PAH: variants seen among roughly 807,000 people sequenced by gnomAD.
The protein encoded by PAH is phenylalanine hydroxylase.
Under a neutral mutation model 62.0 loss-of-function variants are expected in PAH, and 64 were observed. The observed-to-expected ratio is 1.03, with a 90% CI of 0.84 to 1.27. The LOEUF (loss-of-function observed/expected upper bound fraction) is 1.27, where lower values mean the gene tolerates loss of function less well. Ranked by LOEUF, PAH falls within the 50% of genes most tolerant of loss-of-function variation. The probability of loss-of-function intolerance (pLI) is 0.00; values close to 1 mark genes in which losing one functional copy is unlikely to be tolerated. For synonymous variants in PAH, 195 were observed against 196.2 expected, an observed-to-expected ratio of 0.99 and a Z score of 0.05; for missense variants, 579 against 542.8, an observed-to-expected ratio of 1.07 and a Z score of -0.66.
intron 6 of PAH, chr12:102,853,414 G>A (rs949718554): frequency 2.5e-5 from 6 of 240,794 alleles, no homozygotes; most frequent in South Asian, 5.9e-5. Context: ...ACCTCACACA[G>A]TCTACCCCAT....
chr12:102,915,147 C>T (rs1164608542), intron 1 of PAH: 1 of 152,218 alleles, frequency 6.6e-6, no homozygotes, highest in Non-Finnish European at 1.5e-5. Context: ...CCAAATTTCC[C>T]TTTCCAAGAT....
chr12:102,912,901 AC>A lies in PAH; in HGVS notation c.61-4del. On this transcript the variant is annotated splice_region_variant and splice_polypyrimidine_tract_variant and intron_variant, in intron 1 of 12. Coordinates refer to ENST00000553106, the MANE Select transcript of PAH (RefSeq NM_000277.3). ...TTGTCTTCAATATAGCTTGTTTCCT[AC>A]AGGATAAGATGCATTTGTTTAAAAC... is the stretch of plus-strand genomic sequence containing the variant. 6.3e-7 allele frequency: 1 copy of A among 1,585,316 alleles called. No homozygotes were observed. Among genetic ancestry groups the A allele is most frequent in the African/African-American group, 1.3e-5 (1 of 74,464 alleles).
Position 102,939,303 on chromosome 12 carries a change from T to C in PAH, c.-96+11286A>G, listed in dbSNP as rs373143940. 1.3e-3 allele frequency among the ~76,000 whole-genome samples: 198 copies of C among 152,272 alleles called. 4 individuals are homozygous for C. The South Asian group carries it at 0.035, about 27-fold the overall frequency. On this transcript the variant is annotated intron_variant, in intron 1 of 3. Transcript: ENST00000546844. ...AAAGAGCCTGAGTGCTTTACTCACA[T>C]TTCCAGCACACTACAGAAGACCTAT...
rs1874528355 is a variant in PAH at position 102,840,318 on chromosome 12, A to G, written c.1315+82T>C. On this transcript the variant is annotated intron_variant, in intron 12 of 12. Transcript: ENST00000553106. ...AATTAAATATTTCAATAAATTTATT[A>G]TTTTTCCTATGGCGATGGTAGGGAA... The G allele has an allele frequency of 3.5e-6, 3 of 868,890 alleles. No homozygotes were observed. In the Admixed American group the frequency reaches 5.3e-5, roughly 15 times the overall value. 53.8% of individuals were successfully genotyped at this position (868,890 alleles called of 1,614,324 possible). A position where few individuals can be genotyped will look rare whatever the true frequency, so the allele number is the denominator to read the frequency against.
chr12:102,854,602 C>T, intron 6 of PAH: 1 of 189,486 alleles, frequency 5.3e-6, no homozygotes, highest in Non-Finnish European at 1.1e-5. Context: ...TCATAATTTC[C>T]CTATGGGAAA....
upstream of PAH, among the ~76,000 whole-genome samples, chr12:102,954,765 AAAC>A (rs1879864338): frequency 6.6e-6 from 1 of 152,216 alleles, no homozygotes; most frequent in Non-Finnish European, 1.5e-5. Flanking sequence ...ACACTGGTGA[AAAC>A]AACCAGAAAG....
chr12:102,928,126 T>C (rs1475523439), intron 1 of PAH, among the ~76,000 whole-genome samples: 2 of 152,158 alleles, frequency 1.3e-5, no homozygotes, highest in African/African-American at 4.8e-5. Context: ...TACAGTCCAA[T>C]GAGATACGCT....
At chr12:102,862,347 T>G (rs1446841585) in intron 5 of PAH, among the ~76,000 whole-genome samples, 2 of 152,028 alleles carry the variant, frequency 1.3e-5, no homozygotes. Flanking sequence ...AGCTAAATGG[T>G]GAGAACATAC....
chr12:102,928,917 G>C (rs549458455), intron 1 of PAH, among the ~76,000 whole-genome samples: 1 of 152,254 alleles, frequency 6.6e-6, no homozygotes, highest in South Asian at 2.1e-4. Context: ...CTGAGTTTAT[G>C]TTTCTTTTAG....
At chr12:102,901,724 G>GAA (rs979992730) in intron 2 of PAH, among the ~76,000 whole-genome samples, 1 of 152,114 alleles carries the variant, frequency 6.6e-6, no homozygotes, top group Non-Finnish European at 1.5e-5. Flanking sequence ...AAACTTAAGT[G>GAA]AAGTTATGTC....
Position 102,947,815 on chromosome 12 carries a change from G to A in PAH, c.-96+2774C>T, listed in dbSNP as rs117398835. On this transcript the variant is annotated intron_variant, in intron 1 of 3. Transcript: ENST00000546844. ...GACATGTATTTCAAGAAATTAGCTC[G>A]TGTGGTTATGGAGGCTGAGTCCCAA... 4.6e-3 allele frequency among the ~76,000 whole-genome samples: 707 copies of A among 152,298 alleles called. 5 individuals carry two copies. The highest frequency in any genetic ancestry group is 0.012 in the East Asian group (60 of 5,188).
rs1416580813 is a variant in PAH, at chr12:102,871,933, AAAAAAAAAAAAAAAAAATATAT to A, written c.442-5292_442-5271del. The stretch of plus-strand genomic sequence containing the variant: ...GCAAAACTCTGCCTCAAAAAAAAAA[AAAAAAAAAAAAAAAAAATATAT>A]ATATATATATATATATATATATATA... On this transcript the variant is annotated intron_variant, in intron 4 of 12. Coordinates refer to ENST00000553106, the MANE Select transcript of PAH (RefSeq NM_000277.3). Among the ~76,000 whole-genome samples the A allele has an allele frequency of 8.3e-4, 90 of 108,328 alleles. 2 individuals are homozygous for A. The highest frequency in any genetic ancestry group is 2.0e-3 in the South Asian group (7 of 3,438). The allele number at this position is 108,328 out of a possible 152,430, so 71.1% of individuals were successfully genotyped here. A position where few individuals can be genotyped will look rare whatever the true frequency, so the allele number is the denominator to read the frequency against.
chr12:102,867,561 T>C (rs976097105), intron 4 of PAH, among the ~76,000 whole-genome samples: 2 of 152,146 alleles, frequency 1.3e-5, no homozygotes, highest in Admixed American at 1.3e-4. Flanking sequence ...ATCATTTCCG[T>C]AGAACTCTGC....
At position 102,866,745 on chromosome 12, in the gene PAH, C is replaced by T. The variant is rs903189379; in HGVS notation, c.442-82G>A. 1.1e-5 allele frequency: 13 copies of T among 1,130,590 alleles called. No individual in the cohort carries two copies. The African/African-American group carries it at 1.7e-4, about 15-fold the overall frequency. 70.0% of individuals were successfully genotyped at this position (1,130,590 alleles called of 1,614,324 possible). A position where few individuals can be genotyped will look rare whatever the true frequency, so the allele number is the denominator to read the frequency against. On this transcript the variant is annotated intron_variant, in intron 4 of 12. Coordinates refer to ENST00000553106, the MANE Select transcript of PAH (RefSeq NM_000277.3). ...TTTATGAATGCTTTGAATGGGGGCT[C>T]TCAAGCCATGACAGTGCATGTCTCC...
rs114754819 is a variant in PAH, at chr12:102,941,051, G to C, written c.-96+9538C>G. The stretch of plus-strand genomic sequence containing the variant: ...CCTAAAGAAAATAAATTCCAACCAA[G>C]AATTTTATATCCAGACCAACTAAAC... On this transcript the variant is annotated intron_variant, in intron 1 of 3. Transcript: ENST00000546844. Among the ~76,000 whole-genome samples the C allele has an allele frequency of 4.4e-3, 675 of 152,204 alleles. 8 individuals are homozygous for C. Among genetic ancestry groups the C allele is most frequent in the African/African-American group, 0.015 (634 of 41,556 alleles).
intron 4 of PAH, among the ~76,000 whole-genome samples, chr12:102,868,683 G>A (rs1876169979): frequency 6.6e-6 from 1 of 151,934 alleles, no homozygotes; most frequent in Non-Finnish European, 1.5e-5. Flanking sequence ...AAATAAAACT[G>A]GGCACCATGA....
At chr12:102,918,589 T>C (rs1280001666), upstream of PAH, among the ~76,000 whole-genome samples, 1 of 151,496 alleles carries the variant, frequency 6.6e-6, no homozygotes, top group Non-Finnish European at 1.5e-5. Flanking sequence ...TTTTGTTTTG[T>C]TTTTGTCTTT....
upstream of PAH, among the ~76,000 whole-genome samples, chr12:102,955,342 C>A (rs1348906232): frequency 1.3e-5 from 2 of 152,218 alleles, no homozygotes; most frequent in Non-Finnish European, 2.9e-5. Flanking sequence ...TACTGTACAT[C>A]CCTTGTGTGT....
chr12:102,871,352 C>T (rs1008861037), intron 4 of PAH, among the ~76,000 whole-genome samples: 1 of 152,196 alleles, frequency 6.6e-6, no homozygotes, highest in Non-Finnish European at 1.5e-5. Flanking sequence ...CTTAAACACA[C>T]CATGCTCTTT....
Sources: gnomAD v4.1 joint callset for allele counts (sites outside exome capture counted in the v4.1 genomes callset) on GRCh38, gnomAD v4.1.1 for gene constraint, MANE v1.5 for transcripts, NCBI Gene and HGNC (gene_info 2026-07-23, HGNC 2026-07-21) for gene names.